The following APBB2 variants were observed in gnomAD, a reference collection of about 807,000 sequenced individuals.
The protein encoded by APBB2 is Fe65-like 1.
APBB2 carries 38 observed loss-of-function variants against 82.5 expected under a neutral mutation model. The observed-to-expected ratio is 0.46, with a 90% CI of 0.36 to 0.60. The LOEUF is 0.60. Among genes scored for constraint, APBB2 ranks in the 20% least tolerant of loss-of-function variants. APBB2 has a pLI of 0.00. For synonymous variants in APBB2, 341 were observed against 368.2 expected (o/e 0.93, Z 0.85); for missense variants, 772 against 972.3 (o/e 0.79, Z 2.74).
chr4:41,105,214 G>C (rs1449665771), intron 2 of APBB2, among the ~76,000 whole-genome samples: 1 of 152,106 alleles, frequency 6.6e-6, no homozygotes, highest in Non-Finnish European at 1.5e-5. Context: ...TAGATGTATA[G>C]TCTATTTTTG....
intron 10 of APBB2, among the ~76,000 whole-genome samples, chr4:40,915,783 G>A (rs1779692687): frequency 6.6e-6 from 1 of 152,054 alleles, no homozygotes; most frequent in Admixed American, 6.6e-5. Context: ...CGGGGGAGGA[G>A]CATTTAACCA....
chr4:41,170,050 C>T (rs1767828886), intron 1 of APBB2, among the ~76,000 whole-genome samples: 1 of 151,974 alleles, frequency 6.6e-6, no homozygotes, highest in Non-Finnish European at 1.5e-5. Flanking sequence ...AGGGAATACC[C>T]CCTCTAAATA....
chr4:41,016,248 G>A (rs1560532870), intron 5 of APBB2, among the ~76,000 whole-genome samples: 1 of 152,148 alleles, frequency 6.6e-6, no homozygotes, highest in Non-Finnish European at 1.5e-5. Context: ...ATGTTATTAG[G>A]GAGATATTTT....
intron 2 of APBB2, among the ~76,000 whole-genome samples, chr4:41,130,276 G>A (rs916057538): frequency 1.3e-5 from 2 of 152,178 alleles, no homozygotes; most frequent in Non-Finnish European, 2.9e-5. Flanking sequence ...CTAAGCTGCA[G>A]CTTGGTCATT....
intron 3 of APBB2, among the ~76,000 whole-genome samples, chr4:41,075,522 A>C (rs534329460): frequency 7.7e-4 from 118 of 152,320 alleles, no homozygotes; most frequent in Non-Finnish European, 1.5e-3. Context: ...TTATTCATGG[A>C]ATCTACAGAG....
intron 12 of APBB2, among the ~76,000 whole-genome samples, chr4:40,860,635 C>G (rs1261215040): frequency 3.3e-5 from 5 of 152,198 alleles, no homozygotes; most frequent in Admixed American, 3.3e-4. Flanking sequence ...ATGAGTCCTT[C>G]TAGCAAATTA....
Position 40,943,249 on chromosome 4 carries a change from GAATGCTGGCACCA to G in APBB2, c.1044+1603_1044+1615del, listed in dbSNP as rs544668673. Among the ~76,000 whole-genome samples, 1,054 of 152,294 alleles carry G rather than the reference GAATGCTGGCACCA, an allele frequency of 6.9e-3. 18 individuals carry two copies. The highest frequency in any genetic ancestry group is 0.024 in the African/African-American group (1,005 of 41,560). On this transcript the variant is annotated intron_variant, in intron 7 of 17. Transcript: ENST00000508593. The stretch of plus-strand genomic sequence containing the variant: ...CTCAGTGTCCCTGTCTGTAACATAT[GAATGCTGGCACCA>G]AATGGTGCCTTCACACCCTGGTGTT...
chr4:40,958,459 T>C (rs977238283), intron 6 of APBB2, among the ~76,000 whole-genome samples: 1 of 152,232 alleles, frequency 6.6e-6, no homozygotes, highest in African/African-American at 2.4e-5. Context: ...AATCTCAATT[T>C]TGTTTTCTTG....
intron 5 of APBB2, among the ~76,000 whole-genome samples, chr4:41,017,367 A>G (rs1331135234): frequency 6.6e-6 from 1 of 152,192 alleles, no homozygotes; most frequent in Non-Finnish European, 1.5e-5. Flanking sequence ...ATCAGCTAGG[A>G]AGTCCTTGGG....
intron 12 of APBB2, among the ~76,000 whole-genome samples, chr4:40,843,171 C>T (rs1756433435): frequency 6.6e-6 from 1 of 152,158 alleles, no homozygotes; most frequent in Non-Finnish European, 1.5e-5. Flanking sequence ...AGCAACTAGA[C>T]CGAAGAGCAT....
At chr4:40,881,219 A>G in intron 12 of APBB2, 1 of 985,394 alleles carries the variant, frequency 1.0e-6, no homozygotes, top group Non-Finnish European at 1.2e-6. Flanking sequence ...ACAATACTAT[A>G]GTGTAGGGAG....
intron 3 of APBB2, among the ~76,000 whole-genome samples, chr4:41,099,822 G>A (rs990774625): frequency 3.6e-4 from 55 of 152,014 alleles, no homozygotes; most frequent in African/African-American, 1.3e-3. Context: ...TCCTATTGTC[G>A]ATAATGTTTC....
At chr4:41,147,482 T>A (rs868684440) in intron 1 of APBB2, among the ~76,000 whole-genome samples, 1 of 64,768 alleles carries the variant, frequency 1.5e-5, no homozygotes, top group Non-Finnish European at 3.0e-5. Context: ...TTTGGCCAGC[T>A]TTTTTTTTTT....
chr4:40,851,746 T>A lies in APBB2; in HGVS notation c.1530-21169A>T, dbSNP rs1401720725. On this transcript the variant is annotated intron_variant, in intron 12 of 17. Coordinates refer to ENST00000508593, the MANE Select transcript of APBB2 (RefSeq NM_004307.2). ...TATATATATATATATATATTTTTTTTTTTTTTTTTTTTCAAAACCAAACCA... is the reference window on the plus strand; with the variant it reads ...TATATATATATATATATATTTTTTTATTTTTTTTTTTTCAAAACCAAACCA... Among the ~76,000 whole-genome samples, 463 of 76,974 alleles carry A rather than the reference T, an allele frequency of 6.0e-3. 6 individuals carry two copies. Among genetic ancestry groups the A allele is most frequent in the African/African-American group, 0.018 (429 of 23,306 alleles). 50.5% of individuals were successfully genotyped at this position (76,974 alleles called of 152,430 possible).
intron 1 of APBB2, among the ~76,000 whole-genome samples, chr4:41,158,012 A>G (rs1286279810): frequency 6.6e-6 from 1 of 152,094 alleles, no homozygotes; most frequent in East Asian, 1.9e-4. Context: ...CAGTCAAACA[A>G]ACAAAAGAGC....
At chr4:41,007,909 T>C (rs1383255698) in intron 6 of APBB2, among the ~76,000 whole-genome samples, 1 of 152,042 alleles carries the variant, frequency 6.6e-6, no homozygotes, top group African/African-American at 2.4e-5. Flanking sequence ...GCCACTAAGA[T>C]AAACATGATA....
intron 1 of APBB2, among the ~76,000 whole-genome samples, chr4:41,197,287 G>A: frequency 1.3e-5 from 2 of 152,078 alleles, no homozygotes; most frequent in East Asian, 1.9e-4. Context: ...GCTCAGGGCC[G>A]CAGCATTTAT....
intron 4 of APBB2, among the ~76,000 whole-genome samples, chr4:41,058,968 A>C (rs1000585316): frequency 2.6e-5 from 4 of 152,202 alleles, no homozygotes; most frequent in African/African-American, 9.6e-5. Flanking sequence ...AGATGAGAGA[A>C]AGTTAAAGCT....
At chr4:41,211,929 T>C (rs1422260138) in intron 1 of APBB2, among the ~76,000 whole-genome samples, 1 of 152,218 alleles carries the variant, frequency 6.6e-6, no homozygotes, top group Non-Finnish European at 1.5e-5. Flanking sequence ...CTATGGTGGT[T>C]TGATGCACAG....
Sources: allele counts gnomAD v4.1 joint callset (sites outside exome capture counted in the v4.1 genomes callset), GRCh38; gene constraint gnomAD v4.1.1; transcripts MANE v1.5; gene names NCBI Gene and HGNC (gene_info 2026-07-23, HGNC 2026-07-21).